MTMR14: variants seen among roughly 807,000 people sequenced by gnomAD.
MTMR14 encodes phosphatidylinositol-3,5-bisphosphate 3-phosphatase MTMR14.
MTMR14 carries 48 observed loss-of-function variants against 86.3 expected under a neutral mutation model. The observed-to-expected ratio is 0.56, with a 90% CI of 0.44 to 0.71. The LOEUF is 0.71. Ranked by LOEUF, MTMR14 falls within the 30% of genes least tolerant of loss-of-function variation. The pLI, the probability that MTMR14 is intolerant of heterozygous loss-of-function variation, is 0.00. For missense variants in MTMR14, 780 were observed against 834.6 expected (o/e 0.93, Z 0.81); for synonymous variants, 366 against 326.1 (o/e 1.12, Z -1.32).
chr3:9,693,267 G>A (rs778614036), intron 17 of MTMR14, among the ~76,000 whole-genome samples: 2 of 152,058 alleles, frequency 1.3e-5, no homozygotes, highest in Non-Finnish European at 2.9e-5. Flanking sequence ...AACATGCAGT[G>A]TAACAACCAT....
Position 9,697,837 on chromosome 3 carries a change from C to A in MTMR14, c.1740C>A (p.Ser580Arg). 5 of 1,614,232 alleles carry A rather than the reference C, an allele frequency of 3.1e-6. No individual in the cohort carries two copies. The highest frequency in any genetic ancestry group is 4.2e-6 in the Non-Finnish European group (5 of 1,180,046). The change falls in exon 18 of 19, where the codon AGC (serine) becomes AGA (arginine). Residue 580 changes from serine to arginine, a missense_variant. Transcript: ENST00000296003. Reference sequence around the variant, plus strand: ...ACACAGACTCCTCTCTCCCTTTCAGCTTCCCGGATGAGCTCCCTAACAGTT... The same window carrying A: ...ACACAGACTCCTCTCTCCCTTTCAGATTCCCGGATGAGCTCCCTAACAGTT... ...VLHTDSSLPF[S>R]FPDELPNSCL...
intron 18 of MTMR14, chr3:9,699,295 G>C (rs2076382018): frequency 6.6e-6 from 1 of 152,090 alleles, no homozygotes; most frequent in African/African-American, 2.4e-5. Context: ...CTTACCTGGG[G>C]TTAGCCACTG....
chr3:9,671,233 G>A (rs930690029), intron 6 of MTMR14, 63 bp downstream of exon 6: 65 of 1,610,540 alleles, frequency 4.0e-5, no homozygotes, highest in Non-Finnish European at 5.1e-5. Flanking sequence ...CAGGGCTGGC[G>A]TTAGTATGTA....
At chr3:9,654,289 T>A (rs1353349952) in intron 2 of MTMR14, among the ~76,000 whole-genome samples, 1 of 152,194 alleles carries the variant, frequency 6.6e-6, no homozygotes, top group African/African-American at 2.4e-5. Flanking sequence ...TGTTAATTAG[T>A]CCTTTTAAGG....
rs1007944171 is a variant in MTMR14 at position 9,649,539 on chromosome 3, C to A, written c.-45C>A. ...TGTCGGAGTTGGGTGCAGGCAGGTG[C>A]CATGGGCCCGCTTGAGGCACACTGA... On this transcript the variant is annotated 5_prime_UTR_variant, in exon 1 of 19. Transcript: ENST00000296003. The A allele has an allele frequency of 1.8e-5, 27 of 1,515,350 alleles. No individual in the cohort carries two copies. Among genetic ancestry groups the A allele is most frequent in the Admixed American group, 2.2e-5 (1 of 46,458 alleles). The allele number at this position is 1,515,350 out of a possible 1,614,324, so 93.9% of individuals were successfully genotyped here.
At chr3:9,678,843 G>T (rs1425034151) in intron 9 of MTMR14, among the ~76,000 whole-genome samples, 1 of 152,204 alleles carries the variant, frequency 6.6e-6, no homozygotes, top group Non-Finnish European at 1.5e-5. Flanking sequence ...TTAGAGATCT[G>T]CTTCCCTGAA....
rs1206710619 is a variant in MTMR14 at position 9,662,381 on chromosome 3, G to T, written c.417+6G>T. The stretch of plus-strand genomic sequence containing the variant: ...TAATCCTGTTCAAGGGCAAGGTAAG[G>T]CCCATACCATAGCTTCATGCTCCAC... On this transcript the variant is annotated splice_donor_region_variant and intron_variant, in intron 3 of 18. Coordinates refer to ENST00000296003, the MANE Select transcript of MTMR14 (RefSeq NM_001077525.3). The T allele has an allele frequency of 1.2e-6, 2 of 1,608,656 alleles. No homozygotes were observed. The highest frequency in any genetic ancestry group is 1.7e-6 in the Non-Finnish European group (2 of 1,175,494).
chr3:9,653,713 C>G lies in MTMR14; in HGVS notation c.252C>G (p.His84Gln). The G allele has an allele frequency of 6.2e-7, 1 of 1,614,204 alleles. No homozygotes were observed. The highest frequency in any genetic ancestry group is 1.7e-5 in the Admixed American group (1 of 60,014). ...ACACGAATGGGGATATCTGTGGCCACTATCCCCGGCACATCGTGTTCCTGG... is the reference window on the plus strand; with the variant it reads ...ACACGAATGGGGATATCTGTGGCCAGTATCCCCGGCACATCGTGTTCCTGG... ...IPNTNGDICGHYPRHIVFLEY... is the reference protein window; with the variant it reads ...IPNTNGDICGQYPRHIVFLEY... The change falls in exon 2 of 19, where the codon CAC becomes CAG. Residue 84 changes from histidine to glutamine, a missense_variant. By Grantham distance (24) the His-to-Gln change is conservative (BLOSUM62 0). Coordinates refer to ENST00000296003, the MANE Select transcript of MTMR14 (RefSeq NM_001077525.3).
chr3:9,656,023 C>G (rs968771120), intron 2 of MTMR14, among the ~76,000 whole-genome samples: 3 of 151,804 alleles, frequency 2.0e-5, no homozygotes, highest in Admixed American at 2.0e-4. Flanking sequence ...GGTGAAACCC[C>G]GTATCTACTA....
In MTMR14 at chr3:9,671,035, C is replaced by T. The variant is rs773258167; in HGVS notation, c.555-13C>T. On this transcript the variant is annotated splice_polypyrimidine_tract_variant and intron_variant, in intron 5 of 18. Coordinates refer to ENST00000296003, the MANE Select transcript of MTMR14 (RefSeq NM_001077525.3). ...CATGCCATGTAACTTCTCCCTCTGG[C>T]TCTTTATTTCAGAAGTGGTGACACG... is the stretch of plus-strand genomic sequence containing the variant. 6.2e-7 allele frequency: 1 copy of T among 1,614,102 alleles called. No homozygotes were observed. Among genetic ancestry groups the T allele is most frequent in the South Asian group, 1.1e-5 (1 of 91,074 alleles).
rs549971253 is a variant in MTMR14, at chr3:9,663,607, G to A, written c.417+1232G>A. Among the ~76,000 whole-genome samples, 157 of 138,762 alleles carry A rather than the reference G, an allele frequency of 1.1e-3. 1 individual carries two copies. Among genetic ancestry groups the A allele is most frequent in the African/African-American group, 3.8e-3 (146 of 38,228 alleles). The allele number at this position is 138,762 out of a possible 152,430, so 91.0% of individuals were successfully genotyped here. ...CAGCTCACTGCAAGCTCCGCCTCCC[G>A]GGTTCACGCCATTCTCCTGCCTTAG... On this transcript the variant is annotated intron_variant, in intron 3 of 18. Coordinates refer to ENST00000296003, the MANE Select transcript of MTMR14 (RefSeq NM_001077525.3).
At chr3:9,672,854 A>T in intron 7 of MTMR14, 96 bp downstream of exon 7, 1 of 1,163,528 alleles carries the variant, frequency 8.6e-7, no homozygotes, top group Non-Finnish European at 1.3e-6. Flanking sequence ...GCGCCCTGGG[A>T]GCTTTCCTGG....
At chr3:9,700,934 T>G (rs1559626550) in intron 18 of MTMR14, 1 of 152,134 alleles carries the variant, frequency 6.6e-6, no homozygotes, top group African/African-American at 2.4e-5. Flanking sequence ...TCTCCTGCCT[T>G]CAGCCTCCCA....
chr3:9,650,032 G>A (rs1041389092), intron 1 of MTMR14, among the ~76,000 whole-genome samples: 1 of 152,100 alleles, frequency 6.6e-6, no homozygotes, highest in Non-Finnish European at 1.5e-5. Context: ...AGATCAGAGA[G>A]GAGGACCTAA....
intron 10 of MTMR14, 120 bp downstream of exon 10, chr3:9,683,364 A>G (rs2125257035): frequency 1.1e-6 from 1 of 943,288 alleles, no homozygotes. Context: ...GTGGGAGAGG[A>G]ATTTGGGGAG....
intron 17 of MTMR14, 49 bp from the exon 18 acceptor site, chr3:9,697,662 G>GACACAGAGGAT (rs1304613624): frequency 6.3e-7 from 1 of 1,599,140 alleles, no homozygotes; most frequent in South Asian, 1.1e-5. Context: ...GCCTGTGTCA[G>GACACAGAGGAT]GCATATGACT....
intron 13 of MTMR14, among the ~76,000 whole-genome samples, chr3:9,686,903 A>G (rs1025468898): frequency 6.6e-6 from 1 of 152,198 alleles, no homozygotes; most frequent in African/African-American, 2.4e-5. Context: ...TAATTTGCTC[A>G]TGGAGGTGGG....
rs76211161 is a variant in MTMR14 at position 9,697,941 on chromosome 3, G to C, written c.1769+75G>C. 9 of 1,595,810 alleles carry C rather than the reference G, an allele frequency of 5.6e-6. No individual in the cohort carries two copies. In the East Asian group the frequency reaches 1.1e-4, roughly 20 times the overall value. ...GCTGGTGAGCAGTCAGGAGTGCTGG[G>C]TAGGAATGAGGCTGGCGCTCAGGAG... On this transcript the variant is annotated intron_variant, in intron 18 of 18. Transcript: ENST00000296003.
chr3:9,661,210 A>T (rs1295294162), intron 2 of MTMR14, among the ~76,000 whole-genome samples: 2 of 152,208 alleles, frequency 1.3e-5, no homozygotes, highest in African/African-American at 2.4e-5. Context: ...CTGCCCTCTA[A>T]AACAGCACTC....
Sources: allele counts gnomAD v4.1 joint callset (sites outside exome capture counted in the v4.1 genomes callset), GRCh38; gene constraint gnomAD v4.1.1; transcripts MANE v1.5; gene names NCBI Gene and HGNC (gene_info 2026-07-23, HGNC 2026-07-21).